POU2F2: variants seen among roughly 807,000 people sequenced by gnomAD.
POU2F2 encodes POU class 2 homeobox 2.
A neutral mutation model predicts 63.5 loss-of-function variants in POU2F2; 14 were observed. The observed-to-expected ratio is 0.22, with a 90% CI of 0.15 to 0.34. The LOEUF is 0.34. POU2F2 is among the 10% of genes least tolerant of loss of function. The pLI is 1.00. For synonymous variants in POU2F2, 306 were observed against 348.6 expected, an observed-to-expected ratio of 0.88 and a Z score of 1.36; for missense variants, 607 against 815.2, an observed-to-expected ratio of 0.74 and a Z score of 3.11.
chr19:42,087,268 TCTCA>T lies in POU2F2; in HGVS notation c.*3985_*3988del, dbSNP rs2076580007. On this transcript the variant is annotated 3_prime_UTR_variant, in exon 15 of 15. Coordinates refer to ENST00000692977, the MANE Select transcript of POU2F2 (RefSeq NM_001394376.1). ...CCGCGTGTCTCAATCTTGCTGTCTG[TCTCA>T]CTCTCTCTCTCACTCAGGTCCCCCT... The T allele has an allele frequency of 6.6e-6, 1 of 151,942 alleles. No individual in the cohort carries two copies. The highest frequency in any genetic ancestry group is 1.5e-5 in the Non-Finnish European group (1 of 68,006). 9.4% of individuals were successfully genotyped at this position (151,942 alleles called of 1,614,324 possible).
intron 1 of POU2F2, among the ~76,000 whole-genome samples, chr19:42,186,042 A>G (rs79971819): frequency 0.079 from 12,057 of 152,104 alleles, 668 homozygotes; most frequent in Middle Eastern, 0.18. Flanking sequence ...GGTGCGCACA[A>G]CTACACCCGG....
At chr19:42,150,524 G>A (rs2034321731) in intron 2 of POU2F2, among the ~76,000 whole-genome samples, 1 of 151,400 alleles carries the variant, frequency 6.6e-6, no homozygotes, top group South Asian at 2.1e-4. Flanking sequence ...ATGCTTTATT[G>A]CCAAGAAACT....
rs533338578 is a variant in POU2F2 at position 42,181,181 on chromosome 19, G to C, written c.-70+15202C>G. Among the ~76,000 whole-genome samples, 3 of 152,318 alleles carry C rather than the reference G, an allele frequency of 2.0e-5. No homozygotes were observed. In the East Asian group the frequency reaches 5.8e-4, roughly 29 times the overall value. ...TGCAGGTTGTCCTAACTGATTTCTA[G>C]GGCTCCGCCCAGCCCCGAGTCATGA... On this transcript the variant is annotated intron_variant, in intron 1 of 5. Transcript: ENST00000532176.
chr19:42,099,858 G>T, intron 5 of POU2F2, 37 bp from the exon 6 acceptor site: 1 of 1,500,420 alleles, frequency 6.7e-7, no homozygotes, highest in Non-Finnish European at 9.1e-7. Flanking sequence ...GATAGCCTGA[G>T]TCCTGGCTGG....
At chr19:42,108,638 C>T (rs2030541759) in intron 5 of POU2F2, among the ~76,000 whole-genome samples, 1 of 152,108 alleles carries the variant, frequency 6.6e-6, no homozygotes, top group African/African-American at 2.4e-5. Context: ...TGAACAGGAA[C>T]AGTAAGTTGG....
chr19:42,107,813 T>C (rs1050324986), intron 5 of POU2F2, among the ~76,000 whole-genome samples: 1 of 152,202 alleles, frequency 6.6e-6, no homozygotes, highest in Non-Finnish European at 1.5e-5. Flanking sequence ...TTCATCACAT[T>C]TGTGGTATAA....
chr19:42,096,270 T>A lies in POU2F2; in HGVS notation c.568-27A>T. 6.6e-7 allele frequency: 1 copy of A among 1,524,820 alleles called. No individual in the cohort carries two copies. Among genetic ancestry groups the A allele is most frequent in the Non-Finnish European group, 8.8e-7 (1 of 1,136,630 alleles). The allele number at this position is 1,524,820 out of a possible 1,614,324, so 94.5% of individuals were successfully genotyped here. A position where few individuals can be genotyped will look rare whatever the true frequency, so the allele number is the denominator to read the frequency against. ...TGGTGGGGTGGGCAGGTGGGTGGGA[T>A]GCAGGGCGGAGGACCAGGATGGGGC... On this transcript the variant is annotated intron_variant, in intron 7 of 14. Coordinates refer to ENST00000692977, the MANE Select transcript of POU2F2 (RefSeq NM_001394376.1). This position sits in a 1 kb window ranked among gnomAD's most constrained non-coding sequence, Gnocchi z 4.1.
chr19:42,120,382 G>A lies in POU2F2; in HGVS notation c.186+1744C>T, dbSNP rs191994042. On this transcript the variant is annotated intron_variant, in intron 4 of 14. Coordinates refer to ENST00000692977, the MANE Select transcript of POU2F2 (RefSeq NM_001394376.1). ...ATTACAGGCACTCACCACCATGCCC[G>A]GCTAATTTTTGTATTTTTAGTAGAG... Among the ~76,000 whole-genome samples the A allele has an allele frequency of 1.1e-4, 17 of 151,990 alleles. No individual in the cohort carries two copies. The East Asian group carries it at 2.9e-3, about 26-fold the overall frequency.
intron 1 of POU2F2, among the ~76,000 whole-genome samples, chr19:42,161,391 G>T (rs2034549175): frequency 6.6e-6 from 1 of 152,094 alleles, no homozygotes; most frequent in Non-Finnish European, 1.5e-5. Flanking sequence ...TTTGCCTTTG[G>T]AAAGGTCCTT....
chr19:42,144,645 G>A (rs1029855098), intron 2 of POU2F2, among the ~76,000 whole-genome samples: 13 of 152,230 alleles, frequency 8.5e-5, no homozygotes, highest in African/African-American at 3.1e-4. Context: ...AGTAACAAGA[G>A]CAGCTACATG....
chr19:42,180,319 A>C (rs1359411592), upstream of POU2F2, among the ~76,000 whole-genome samples: 10 of 152,192 alleles, frequency 6.6e-5, no homozygotes, highest in Admixed American at 6.5e-4. Context: ...TGAACATAAG[A>C]AACACCCACT....
chr19:42,094,005 G>T, intron 11 of POU2F2, 110 bp from the exon 12 acceptor site: 1 of 806,164 alleles, frequency 1.2e-6, no homozygotes, highest in Non-Finnish European at 2.0e-6. Context: ...GGGGGCTTTG[G>T]CACAATGCTG....
chr19:42,159,649 G>T (rs1019393064), intron 2 of POU2F2, among the ~76,000 whole-genome samples: 48 of 152,314 alleles, frequency 3.2e-4, no homozygotes, highest in African/African-American at 1.2e-3. Flanking sequence ...AGCAGCAGGA[G>T]AACTATGGCT....
intron 1 of POU2F2, among the ~76,000 whole-genome samples, chr19:42,128,444 CT>C (rs2033396826): frequency 6.6e-6 from 1 of 152,186 alleles, no homozygotes. Flanking sequence ...CTACATATCC[CT>C]GCATACTCCC....
intron 2 of POU2F2, among the ~76,000 whole-genome samples, chr19:42,149,200 A>G (rs2034291191): frequency 6.6e-6 from 1 of 152,110 alleles, no homozygotes; most frequent in Non-Finnish European, 1.5e-5. Context: ...GCATGACTTG[A>G]GCAAAGCCAC....
In POU2F2 at chr19:42,153,700, C is replaced by T. The variant is rs1460832486; in HGVS notation, c.-9+6632G>A. ...CTGTGTGTCCCTGTGTGCCGATGGT[C>T]GAGTGTGTTTCCACAAGTGGGCTGG... On this transcript the variant is annotated intron_variant, in intron 2 of 6. Transcript: ENST00000524801. This position sits in a 1 kb window ranked among gnomAD's most constrained non-coding sequence, Gnocchi z 5.6. 1.3e-5 allele frequency among the ~76,000 whole-genome samples: 2 copies of T among 151,942 alleles called. No individual in the cohort carries two copies. Among genetic ancestry groups the T allele is most frequent in the South Asian group, 2.1e-4 (1 of 4,810 alleles).
Position 42,096,220 on chromosome 19 carries a change from G to A in POU2F2, c.591C>T (p.Pro197=), listed in dbSNP as rs755552093. Residue 197 remains proline, a synonymous_variant, in exon 8 of 15, where the codon CCC becomes CCT. Coordinates refer to ENST00000692977, the MANE Select transcript of POU2F2 (RefSeq NM_001394376.1). This position sits in a 1 kb window ranked among gnomAD's most constrained non-coding sequence, Gnocchi z 4.1. The part of the protein sequence containing the change: ...PTQAVTRPTL[P]DPHLSHPQPP... ...GCTGCGGGTGCGAGAGGTGCGGGTC[G>A]GGCAGCGTAGGGCGGGTCACGGCCT... The A allele has an allele frequency of 6.3e-7, 1 of 1,599,024 alleles. No homozygotes were observed. Among genetic ancestry groups the A allele is most frequent in the Admixed American group, 1.7e-5 (1 of 58,442 alleles).
chr19:42,188,612 A>G (rs1481452915), intron 1 of POU2F2, among the ~76,000 whole-genome samples: 4 of 147,518 alleles, frequency 2.7e-5, no homozygotes, highest in African/African-American at 9.9e-5. Context: ...CGGAGGTTGC[A>G]GTGAGCCGAG....
intron 5 of POU2F2, among the ~76,000 whole-genome samples, chr19:42,103,501 A>G (rs924997235): frequency 1.3e-5 from 2 of 152,176 alleles, no homozygotes; most frequent in Non-Finnish European, 2.9e-5. Context: ...CTTCTGGGAA[A>G]TTGTGGGGGT....
Sources: gnomAD v4.1 joint callset for allele counts (sites outside exome capture counted in the v4.1 genomes callset) on GRCh38, gnomAD v4.1.1 for gene constraint, Gnocchi (gnomAD v3.1) non-coding constraint, MANE v1.5 for transcripts, NCBI Gene and HGNC (gene_info 2026-07-23, HGNC 2026-07-21) for gene names.